LPCAT2: variants seen among roughly 807,000 people sequenced by gnomAD.
LPCAT2 encodes 1-AGP acyltransferase 11.
LPCAT2 carries 58 observed loss-of-function variants against 64.7 expected under a neutral mutation model. That is an observed-to-expected ratio of 0.90 (90% CI 0.73 to 1.12). The LOEUF (loss-of-function observed/expected upper bound fraction) is 1.12, where lower values mean the gene tolerates loss of function less well. Among genes scored for constraint, LPCAT2 ranks in the 50% most tolerant of loss-of-function variants. LPCAT2 has a pLI of 0.00. For missense variants in LPCAT2, 579 were observed against 669.8 expected (o/e 0.86, Z 1.50); for synonymous variants, 252 against 245.3 (o/e 1.03, Z -0.26).
intron 12 of LPCAT2, among the ~76,000 whole-genome samples, chr16:55,576,454 A>G (rs1502006): frequency 0.54 from 82,322 of 151,590 alleles, 22,749 homozygotes; most frequent in East Asian, 0.73. Flanking sequence ...AGATAGACTG[A>G]CTGACTGACG....
intron 1 of LPCAT2, among the ~76,000 whole-genome samples, chr16:55,511,816 T>C (rs961892676): frequency 2.6e-5 from 4 of 152,326 alleles, no homozygotes; most frequent in Middle Eastern, 6.8e-3. Flanking sequence ...GAGTGACTCT[T>C]ATGCTAATAT....
intron 11 of LPCAT2, chr16:55,566,541 A>G (rs1351966335): frequency 1.9e-6 from 1 of 529,844 alleles, no homozygotes; most frequent in African/African-American, 1.9e-5. Flanking sequence ...AGTGAAAACA[A>G]TTTTATTGAG....
intron 1 of LPCAT2, among the ~76,000 whole-genome samples, chr16:55,510,998 T>C (rs1169434250): frequency 6.6e-6 from 1 of 152,212 alleles, no homozygotes; most frequent in East Asian, 1.9e-4. Context: ...CTGAGAGTTA[T>C]AGTATAATGG....
In LPCAT2 at chr16:55,584,031, A is replaced by G. The variant is rs1963917913; in HGVS notation, c.*933A>G. 1 of 152,174 alleles carries G rather than the reference A, an allele frequency of 6.6e-6. No individual in the cohort carries two copies. The highest frequency in any genetic ancestry group is 1.9e-4 in the East Asian group (1 of 5,198). 9.4% of individuals were successfully genotyped at this position (152,174 alleles called of 1,614,324 possible). Reference sequence around the variant, plus strand: ...TGCTAAGGAAATCATATCCTTTTACATGAACTACAGGTTTAGAACTTGGTT... The same window carrying G: ...TGCTAAGGAAATCATATCCTTTTACGTGAACTACAGGTTTAGAACTTGGTT... On this transcript the variant is annotated 3_prime_UTR_variant, in exon 14 of 14. Transcript: ENST00000262134.
At chr16:55,548,274 A>AT (rs1479800338) in intron 9 of LPCAT2, among the ~76,000 whole-genome samples, 1 of 151,804 alleles carries the variant, frequency 6.6e-6, no homozygotes, top group Non-Finnish European at 1.5e-5. Flanking sequence ...ATAAATATGT[A>AT]TTTTTTTCAA....
At chr16:55,539,234 G>C (rs1238101952) in intron 8 of LPCAT2, 1 of 132,138 alleles carries the variant, frequency 7.6e-6, no homozygotes, top group Non-Finnish European at 1.6e-5. Context: ...TTTCCTTTCT[G>C]TGTCATGGCT....
chr16:55,551,880 C>T (rs566875053), intron 11 of LPCAT2, among the ~76,000 whole-genome samples: 27 of 152,044 alleles, frequency 1.8e-4, no homozygotes, highest in African/African-American at 6.3e-4. Context: ...GCCCAGGAGG[C>T]GAGGTTGCAA....
chr16:55,528,450 A>C lies in LPCAT2; in HGVS notation c.385A>C (p.Lys129Gln), dbSNP rs966771830. 2 of 1,614,022 alleles carry C rather than the reference A, an allele frequency of 1.2e-6. No individual in the cohort carries two copies. Among genetic ancestry groups the C allele is most frequent in the East Asian group, 4.5e-5 (2 of 44,862 alleles). Reference protein sequence around the residue: ...FFSMGFIVAVKGKIASPLEAP... With the variant: ...FFSMGFIVAVQGKIASPLEAP... ...TTCAATGGGATTTATAGTTGCTGTA[A>C]AAGGAAAGATTGCAAGTCCTTTGGA... The change falls in exon 3 of 14, where the codon AAA becomes CAA. Residue 129 changes from lysine (K) to glutamine (Q), a missense_variant. Physicochemically the swap from Lys to Gln is moderately conservative, Grantham distance 53. Transcript: ENST00000262134.
At chr16:55,524,687 G>GA (rs1451541372) in intron 1 of LPCAT2, among the ~76,000 whole-genome samples, 1 of 151,864 alleles carries the variant, frequency 6.6e-6, no homozygotes, top group East Asian at 1.9e-4. Flanking sequence ...TCAGCTTATA[G>GA]AAAAAAAGGC....
chr16:55,529,963 T>C lies in LPCAT2; in HGVS notation c.642+16T>C. On this transcript the variant is annotated intron_variant, in intron 4 of 13. Coordinates refer to ENST00000262134, the MANE Select transcript of LPCAT2 (RefSeq NM_017839.5). ...ATGGCCCCAGGTAAAACATGGTAGA[T>C]GTTAATTTAAATATAGTGGGAGTTT... 14 of 1,564,616 alleles carry C rather than the reference T, an allele frequency of 8.9e-6. 1 individual carries two copies. Among genetic ancestry groups the C allele is most frequent in the Non-Finnish European group, 1.2e-5 (14 of 1,144,176 alleles).
At chr16:55,524,695 G>A (rs1409130931) in intron 1 of LPCAT2, among the ~76,000 whole-genome samples, 1 of 151,946 alleles carries the variant, frequency 6.6e-6, no homozygotes, top group East Asian at 1.9e-4. Flanking sequence ...TAGAAAAAAA[G>A]GCAATGTGTC....
At chr16:55,527,217 G>A (rs1347052033) in intron 2 of LPCAT2, among the ~76,000 whole-genome samples, 1 of 152,050 alleles carries the variant, frequency 6.6e-6, no homozygotes, top group African/African-American at 2.4e-5. Context: ...AAAATGTGGA[G>A]AAAATTAGAT....
intron 11 of LPCAT2, among the ~76,000 whole-genome samples, chr16:55,573,005 C>T (rs1283531863): frequency 6.6e-6 from 1 of 152,160 alleles, no homozygotes; most frequent in African/African-American, 2.4e-5. Context: ...AAAAGAAAGT[C>T]AGATGACCTG....
chr16:55,529,547 T>C lies in LPCAT2; in HGVS notation c.530-288T>C, dbSNP rs554780904. Among the ~76,000 whole-genome samples, 20 of 152,280 alleles carry C rather than the reference T, an allele frequency of 1.3e-4. No homozygotes were observed. In the South Asian group the frequency reaches 3.9e-3, roughly 30 times the overall value. The stretch of plus-strand genomic sequence containing the variant: ...AATAAAACAATAATCTTGTAGCATA[T>C]CCCAAAGGTTTAATGTCAATTGAGG... On this transcript the variant is annotated intron_variant, in intron 3 of 13. Transcript: ENST00000262134.
intron 8 of LPCAT2, among the ~76,000 whole-genome samples, chr16:55,543,150 C>G (rs1168816491): frequency 6.6e-6 from 1 of 152,100 alleles, no homozygotes; most frequent in African/African-American, 2.4e-5. Context: ...ATTAGAATTT[C>G]CATTGAATTG....
At position 55,534,408 on chromosome 16, in the gene LPCAT2, C is replaced by G. The variant is rs374508620; in HGVS notation, c.763-35C>G. On this transcript the variant is annotated intron_variant, in intron 6 of 13. Transcript: ENST00000262134. ...CTTTATTTTATTTAGTATTTTTCCT[C>G]CAGACCAACAGCTAAAATAATTTTG... 3.2e-5 allele frequency: 44 copies of G among 1,392,618 alleles called. No homozygotes were observed. The African/African-American group carries it at 6.2e-4, about 20-fold the overall frequency. The allele number at this position is 1,392,618 out of a possible 1,614,324, so 86.3% of individuals were successfully genotyped here. A position where few individuals can be genotyped will look rare whatever the true frequency, so the allele number is the denominator to read the frequency against.
At chr16:55,530,085 T>G (rs1304127913) in intron 4 of LPCAT2, 138 bp downstream of exon 4, 17 of 539,194 alleles carry the variant, frequency 3.2e-5, no homozygotes, top group Non-Finnish European at 5.5e-5. Context: ...AGATGCAGAG[T>G]AAATACAGTA....
Position 55,518,802 on chromosome 16 carries a change from T to A in LPCAT2, c.172-6706T>A, listed in dbSNP as rs991863420. Among the ~76,000 whole-genome samples, 157 of 152,282 alleles carry A rather than the reference T, an allele frequency of 1.0e-3. 1 individual carries two copies. The highest frequency in any genetic ancestry group is 3.7e-3 in the African/African-American group (152 of 41,544). On this transcript the variant is annotated intron_variant, in intron 1 of 13. Transcript: ENST00000262134. ...TCAAAGCAGATCAAAATACTAAATG[T>A]AAGAGTTAAAATCATAAAATGCTTA...
At position 55,584,020 on chromosome 16, in the gene LPCAT2, T is replaced by G. The variant is rs1033324798; in HGVS notation, c.*922T>G. The G allele has an allele frequency of 1.2e-4, 18 of 152,206 alleles. No individual in the cohort carries two copies. The highest frequency in any genetic ancestry group is 4.1e-4 in the African/African-American group (17 of 41,450). The allele number at this position is 152,206 out of a possible 1,614,324, so 9.4% of individuals were successfully genotyped here. ...TCTTAACTACTTGCTAAGGAAATCA[T>G]ATCCTTTTACATGAACTACAGGTTT... On this transcript the variant is annotated 3_prime_UTR_variant, in exon 14 of 14. Transcript: ENST00000262134.
Sources: gnomAD v4.1 joint callset for allele counts (sites outside exome capture counted in the v4.1 genomes callset) on GRCh38, gnomAD v4.1.1 for gene constraint, MANE v1.5 for transcripts, NCBI Gene and HGNC (gene_info 2026-07-23, HGNC 2026-07-21) for gene names.